The following SPEF2 variants were observed in gnomAD, a reference collection of about 807,000 sequenced individuals.
The protein encoded by SPEF2 is sperm flagella and cilia-associated protein 2.
Under a neutral mutation model 224.6 loss-of-function variants are expected in SPEF2, and 187 were observed. The ratio of observed to expected loss-of-function variants is 0.83; its 90% CI spans 0.74 to 0.94. The LOEUF (loss-of-function observed/expected upper bound fraction) is 0.94. SPEF2 is among the 40% of genes least tolerant of loss of function. SPEF2 has a pLI of 0.00. For missense variants in SPEF2, 2,170 were observed against 2,135.6 expected, an observed-to-expected ratio of 1.02 and a Z score of -0.32; for synonymous variants, 715 against 707.3, an observed-to-expected ratio of 1.01 and a Z score of -0.17.
At chr5:35,697,829 A>G (rs763977248) in intron 15 of SPEF2, 36 bp downstream of exon 15, 2 of 1,451,566 alleles carry the variant, frequency 1.4e-6, no homozygotes, top group South Asian at 1.2e-5. Context: ...CATCTATTTA[A>G]TATATTCTTT....
chr5:35,721,043 G>A (rs781663866), intron 20 of SPEF2, among the ~76,000 whole-genome samples: 2 of 152,138 alleles, frequency 1.3e-5, no homozygotes, highest in Non-Finnish European at 1.5e-5. Context: ...TTGCCAAAGA[G>A]CAGATTAGTG....
intron 21 of SPEF2, among the ~76,000 whole-genome samples, chr5:35,733,678 G>A (rs1276201728): frequency 6.6e-6 from 1 of 152,050 alleles, no homozygotes; most frequent in Non-Finnish European, 1.5e-5. Context: ...TGAAGTGTTT[G>A]GACTTCATCT....
intron 19 of SPEF2, chr5:35,710,903 T>A: frequency 1.0e-6 from 1 of 984,012 alleles, no homozygotes; most frequent in Non-Finnish European, 1.2e-6. Context: ...TAGTGCCTGA[T>A]ATTTAAGAAT....
intron 10 of SPEF2, among the ~76,000 whole-genome samples, chr5:35,673,096 A>G (rs1272925001): frequency 6.6e-6 from 1 of 152,232 alleles, no homozygotes. Context: ...CAAGAACAGC[A>G]TCATGGAGCA....
In SPEF2 at chr5:35,792,405, A is replaced by G. The variant is rs188135653; in HGVS notation, c.4513A>G (p.Asn1505Asp). 1.2e-4 allele frequency: 199 copies of G among 1,613,870 alleles called. No homozygotes were observed. In the African/African-American group the frequency reaches 2.5e-3, roughly 20 times the overall value. ...TTTGGTGACCCTGAACCTTGGCACA[A>G]ACAACTTTCCTAGTAATTGGATGCA... ...IDLVTLNLGT[N>D]NFPSNWMHLT... Residue 1505 changes from asparagine to aspartate, a missense_variant, in exon 31 of 37, where the codon AAC becomes GAC. Physicochemically the swap from Asn to Asp is conservative, Grantham distance 23 (BLOSUM62 1). Transcript: ENST00000356031.
intron 24 of SPEF2, among the ~76,000 whole-genome samples, chr5:35,756,002 A>G (rs769399202): frequency 6.6e-6 from 1 of 152,216 alleles, no homozygotes; most frequent in Non-Finnish European, 1.5e-5. Flanking sequence ...AAGCCAGTAC[A>G]GTAGCTCCCC....
chr5:35,621,772 T>A (rs1004204384), intron 1 of SPEF2, among the ~76,000 whole-genome samples: 4 of 152,142 alleles, frequency 2.6e-5, no homozygotes, highest in African/African-American at 9.7e-5. Flanking sequence ...TGGGGCTAAA[T>A]AATGGTTCAG....
chr5:35,710,747 C>T, intron 19 of SPEF2: 2 of 895,322 alleles, frequency 2.2e-6, no homozygotes, highest in Non-Finnish European at 2.5e-6. Context: ...TGTTTCTGAT[C>T]AGACCAGCTC....
intron 21 of SPEF2, among the ~76,000 whole-genome samples, chr5:35,734,859 A>G (rs7702448): frequency 0.029 from 4,422 of 151,556 alleles, 230 homozygotes; most frequent in African/African-American, 0.1. Context: ...CTACAGGTGC[A>G]TGCCACCACG....
At chr5:35,686,976 ATTTTAT>A (rs1297969636) in intron 10 of SPEF2, among the ~76,000 whole-genome samples, 2 of 151,848 alleles carry the variant, frequency 1.3e-5, no homozygotes, top group African/African-American at 4.8e-5. Context: ...TGTGCAGAAG[ATTTTAT>A]TTTTATAGAG....
At chr5:35,727,620 G>A in intron 20 of SPEF2, 55 bp from the exon 21 acceptor site, 4 of 1,463,098 alleles carry the variant, frequency 2.7e-6, no homozygotes, top group Non-Finnish European at 3.8e-6. Context: ...TCATCTACCA[G>A]AATTCTGTCC....
intron 6 of SPEF2, 97 bp downstream of exon 6, chr5:35,649,522 AG>A: frequency 2.2e-6 from 2 of 918,388 alleles, no homozygotes; most frequent in Non-Finnish European, 3.2e-6. Flanking sequence ...GAGCTATTCC[AG>A]GATCTTTTCA....
chr5:35,642,227 T>G (rs1043663812), intron 3 of SPEF2, among the ~76,000 whole-genome samples: 1 of 152,200 alleles, frequency 6.6e-6, no homozygotes, highest in Non-Finnish European at 1.5e-5. Flanking sequence ...CAGAAACCTA[T>G]TTTTACTTCT....
At chr5:35,683,230 CG>C (rs1338138446) in intron 10 of SPEF2, among the ~76,000 whole-genome samples, 1 of 152,050 alleles carries the variant, frequency 6.6e-6, no homozygotes, top group Non-Finnish European at 1.5e-5. Flanking sequence ...GGTAGGCCCA[CG>C]TGATCTGTAA....
intron 20 of SPEF2, among the ~76,000 whole-genome samples, chr5:35,726,175 T>C (rs1391359418): frequency 6.6e-6 from 1 of 152,198 alleles, no homozygotes; most frequent in Non-Finnish European, 1.5e-5. Flanking sequence ...TACACAAAAG[T>C]TGTATGGAAT....
At chr5:35,644,147 T>C (rs1448479886) in intron 3 of SPEF2, among the ~76,000 whole-genome samples, 1 of 152,332 alleles carries the variant, frequency 6.6e-6, no homozygotes, top group African/African-American at 2.4e-5. Flanking sequence ...GGCTATTTTG[T>C]AAGAAGAACC....
intron 20 of SPEF2, among the ~76,000 whole-genome samples, chr5:35,717,716 T>C (rs1264612823): frequency 1.3e-5 from 2 of 152,146 alleles, no homozygotes; most frequent in East Asian, 3.9e-4. Flanking sequence ...AAGGAGGGGC[T>C]AGGCTCCTCC....
chr5:35,631,834 G>A (rs922632583), intron 2 of SPEF2, among the ~76,000 whole-genome samples: 11 of 152,180 alleles, frequency 7.2e-5, no homozygotes, highest in South Asian at 2.1e-4. Context: ...TGAGTACTAC[G>A]TTGAATCCAC....
At chr5:35,732,848 GAGAA>G (rs1580492604) in intron 21 of SPEF2, among the ~76,000 whole-genome samples, 1 of 152,256 alleles carries the variant, frequency 6.6e-6, no homozygotes, top group South Asian at 2.1e-4. Flanking sequence ...TTTTGAGTAA[GAGAA>G]AGAAAGAGCC....
Sources: allele counts gnomAD v4.1 joint callset (sites outside exome capture counted in the v4.1 genomes callset), GRCh38; gene constraint gnomAD v4.1.1; transcripts MANE v1.5; gene names NCBI Gene and HGNC (gene_info 2026-07-23, HGNC 2026-07-21).